HHATL: variants seen among roughly 807,000 people sequenced by gnomAD.
HHATL encodes the protein protein-cysteine N-palmitoyltransferase HHAT-like protein.
A neutral mutation model predicts 59.7 loss-of-function variants in HHATL; 49 were observed. The observed-to-expected ratio is 0.82, with a 90% confidence interval of 0.65 to 1.04. HHATL has a LOEUF of 1.04. Ranked by LOEUF, HHATL falls within the 50% of genes least tolerant of loss-of-function variation. HHATL has a pLI of 0.00. For missense variants in HHATL, 605 were observed against 650.8 expected (o/e 0.93, Z 0.77); for synonymous variants, 238 against 257.3 (o/e 0.93, Z 0.72).
chr3:42,695,235 C>T (rs1005307396), intron 9 of HHATL, among the ~76,000 whole-genome samples: 1 of 152,166 alleles, frequency 6.6e-6, no homozygotes. Context: ...GACCTCCTGG[C>T]CCCCCAGCTT....
Position 42,700,771 on chromosome 3 carries a change from A to T in HHATL, c.56T>A (p.Leu19Gln). 6.2e-7 allele frequency: 1 copy of T among 1,613,882 alleles called. No individual in the cohort carries two copies. Residue 19 changes from leucine (L) to glutamine (Q), a missense_variant, in exon 2 of 12, where the codon CTG becomes CAG. Transcript: ENST00000441594. Reference sequence around the variant, plus strand: ...GCCAGCATAGGCCAGGGCCCCACTCAGCACCAGAGAGTAGAGGCCCAGCTC... The same window carrying T: ...GCCAGCATAGGCCAGGGCCCCACTCTGCACCAGAGAGTAGAGGCCCAGCTC... ...AAELGLYSLV[L>Q]SGALAYAGRG... is the part of the protein sequence containing the mutation.
rs982505419 is a variant in HHATL at position 42,699,609 on chromosome 3, G to A, written c.174+149C>T. Reference sequence around the variant, plus strand: ...AACTTGATGTCCCAGGAGGATACAGGAGGGGCCAGTAAAGAAGCTGAAGGC... The same window carrying A: ...AACTTGATGTCCCAGGAGGATACAGAAGGGGCCAGTAAAGAAGCTGAAGGC... On this transcript the variant is annotated intron_variant, in intron 3 of 11. Transcript: ENST00000441594. 3 of 659,326 alleles carry A rather than the reference G, an allele frequency of 4.6e-6. No individual in the cohort carries two copies. The African/African-American group carries it at 5.5e-5, about 12-fold the overall frequency. The allele number at this position is 659,326 out of a possible 1,614,324, so 40.8% of individuals were successfully genotyped here. A position where few individuals can be genotyped will look rare whatever the true frequency, so the allele number is the denominator to read the frequency against.
In HHATL at chr3:42,701,092, T is replaced by C. The variant is rs1697961447; in HGVS notation, c.-13-253A>G. On this transcript the variant is annotated intron_variant, in intron 1 of 11. Transcript: ENST00000441594. This position sits in a 1 kb window ranked among gnomAD's most constrained non-coding sequence, Gnocchi z 5.1. ...AGGCTCTTGCCCGCAGAGCCCTCACTCGCAGCCTGCCTCCCTCACCTTCAT... is the reference window on the plus strand; with the variant it reads ...AGGCTCTTGCCCGCAGAGCCCTCACCCGCAGCCTGCCTCCCTCACCTTCAT... 1 of 470,868 alleles carries C rather than the reference T, an allele frequency of 2.1e-6. No individual in the cohort carries two copies. The highest frequency in any genetic ancestry group is 3.8e-6 in the Non-Finnish European group (1 of 260,294). The allele number at this position is 470,868 out of a possible 1,614,324, so 29.2% of individuals were successfully genotyped here.
In HHATL at chr3:42,693,664, G is replaced by A; in HGVS notation, c.1201C>T (p.Leu401Phe). 1 of 1,613,818 alleles carries A rather than the reference G, an allele frequency of 6.2e-7. No homozygotes were observed. The highest frequency in any genetic ancestry group is 8.5e-7 in the Non-Finnish European group (1 of 1,179,916). ...FLNCFGLNFE[L>F]WMQKLAEWGP... ...CACTCTGCCAGTTTTTGCATCCAGA[G>A]CTCAAAGTTGAGGCCAAAGCAGTTA... Residue 401 changes from leucine to phenylalanine, a missense_variant, in exon 10 of 12, where the codon CTC becomes TTC. Physicochemically the swap from Leu to Phe is conservative, Grantham distance 22. Transcript: ENST00000441594.
In HHATL at chr3:42,693,659, C is replaced by G. The variant is rs1697458021; in HGVS notation, c.1206G>C (p.Trp402Cys). The G allele has an allele frequency of 6.2e-7, 1 of 1,613,884 alleles. No homozygotes were observed. The highest frequency in any genetic ancestry group is 8.5e-7 in the Non-Finnish European group (1 of 1,179,896). Residue 402 changes from tryptophan (W) to cysteine (C), a missense_variant, in exon 10 of 12, where the codon TGG becomes TGC. By Grantham distance (215) the Trp-to-Cys change is radical (BLOSUM62 -2). Coordinates refer to ENST00000441594, the MANE Select transcript of HHATL (RefSeq NM_020707.4). ...LNCFGLNFEL[W>C]MQKLAEWGPL... ...GCCCCCACTCTGCCAGTTTTTGCAT[C>G]CAGAGCTCAAAGTTGAGGCCAAAGC...
At chr3:42,697,183 G>C (rs140864048) in intron 7 of HHATL, 38 bp from the exon 8 acceptor site, 1 of 1,505,930 alleles carries the variant, frequency 6.6e-7, no homozygotes, top group African/African-American at 1.4e-5. Context: ...GGGTCCAATC[G>C]CCTGGGGCCT....
chr3:42,697,037 G>A lies in HHATL; in HGVS notation c.974C>T (p.Pro325Leu). The A allele has an allele frequency of 6.3e-7, 1 of 1,599,410 alleles. No individual in the cohort carries two copies. The highest frequency in any genetic ancestry group is 8.5e-7 in the Non-Finnish European group (1 of 1,171,418). ...GACGTAGAGTGCGGTGATGCACTTG[G>A]GAGGCTGGGGTGGGTCCAGGTGGTC... is the stretch of plus-strand genomic sequence containing the variant. ...CLDHLDPPQP[P>L]KCITALYVFA... Residue 325 changes from proline (P) to leucine (L), a missense_variant, in exon 8 of 12, where the codon CCC becomes CTC. Pro to Leu is a moderately conservative substitution (Grantham distance 98, BLOSUM62 -3). Transcript: ENST00000441594.
intron 5 of HHATL, 42 bp from the exon 6 acceptor site, chr3:42,698,393 T>C: frequency 6.3e-7 from 1 of 1,575,448 alleles, no homozygotes; most frequent in South Asian, 1.1e-5. Flanking sequence ...CTAGGGTGCC[T>C]CCTGTCTCTG....
chr3:42,698,470 C>T (rs1697757115), intron 5 of HHATL, 119 bp from the exon 6 acceptor site: 2 of 1,043,482 alleles, frequency 1.9e-6, no homozygotes, highest in Admixed American at 5.1e-5. Flanking sequence ...TTCCTCTCTT[C>T]CAGAGCCAGT....
intron 9 of HHATL, chr3:42,694,175 T>C: frequency 3.7e-6 from 1 of 273,552 alleles, no homozygotes; most frequent in Non-Finnish European, 7.1e-6. Flanking sequence ...GATTCCCCTA[T>C]CCCTGCTCAA....
intron 5 of HHATL, 24 bp from the exon 6 acceptor site, chr3:42,698,375 C>T: frequency 1.2e-6 from 2 of 1,600,836 alleles, no homozygotes; most frequent in Non-Finnish European, 1.7e-6. Flanking sequence ...GAACAGGCCA[C>T]CAGCTCACTA....
chr3:42,695,926 T>C (rs1195302531), intron 9 of HHATL, among the ~76,000 whole-genome samples: 5 of 152,130 alleles, frequency 3.3e-5, no homozygotes, highest in Admixed American at 6.5e-5. Context: ...GCATGTCCCA[T>C]TCTCTCCTAT....
At chr3:42,700,636 T>C in intron 2 of HHATL, 85 bp downstream of exon 2, 1 of 845,778 alleles carries the variant, frequency 1.2e-6, no homozygotes, top group South Asian at 1.6e-5. Context: ...CTGGAGCCTG[T>C]AACTTTCTGG....
chr3:42,693,517 C>A lies in HHATL; in HGVS notation c.1248+100G>T, dbSNP rs1697446930. ...CTAAGAGGGTGGTGGTGAGAAAGTT[C>A]TGGATTAGGGGCCAGGTGTTTGGAC... On this transcript the variant is annotated intron_variant, in intron 10 of 11. Transcript: ENST00000441594. 5.7e-6 allele frequency: 6 copies of A among 1,056,186 alleles called. No homozygotes were observed. The East Asian group carries it at 1.6e-4, about 27-fold the overall frequency. The allele number at this position is 1,056,186 out of a possible 1,614,324, so 65.4% of individuals were successfully genotyped here. A position where few individuals can be genotyped will look rare whatever the true frequency, so the allele number is the denominator to read the frequency against.
chr3:42,697,715 G>T, intron 6 of HHATL, 36 bp from the exon 7 acceptor site: 2 of 1,595,554 alleles, frequency 1.3e-6, no homozygotes, highest in African/African-American at 1.3e-5. Flanking sequence ...GAAGAGGCAA[G>T]CCCTGCCTGG....
chr3:42,700,875 C>T (rs373493417), intron 1 of HHATL, 36 bp from the exon 2 acceptor site: 5 of 1,445,422 alleles, frequency 3.5e-6, no homozygotes, highest in Non-Finnish European at 3.9e-6. Context: ...ATTACAGTCT[C>T]CAGCCAAGCC....
At position 42,702,665 on chromosome 3, in the gene HHATL, G is replaced by T; in HGVS notation, c.-100C>A. The T allele has an allele frequency of 6.5e-6, 1 of 152,830 alleles. No homozygotes were observed. The allele number at this position is 152,830 out of a possible 1,614,324, so 9.5% of individuals were successfully genotyped here. A position where few individuals can be genotyped will look rare whatever the true frequency, so the allele number is the denominator to read the frequency against. On this transcript the variant is annotated 5_prime_UTR_variant, in exon 1 of 12. Transcript: ENST00000441594. ...CAACTGTCCGTCCGTGCGACCGGCT[G>T]AGCTCTGGGGCCACGGTGGGGTGTG... is the stretch of plus-strand genomic sequence containing the variant.
In HHATL at chr3:42,692,709, CAAG is replaced by C. The variant is rs763952303; in HGVS notation, c.*39_*41del. 1 of 1,613,954 alleles carries C rather than the reference CAAG, an allele frequency of 6.2e-7. No individual in the cohort carries two copies. The highest frequency in any genetic ancestry group is 8.5e-7 in the Non-Finnish European group (1 of 1,179,876). ...TCTATCGGTCAGGCCCCATCTGGCC[CAAG>C]AATAGCTGAGCAGAGCCCATCCCTC... On this transcript the variant is annotated 3_prime_UTR_variant, in exon 12 of 12. Transcript: ENST00000441594.
Position 42,698,908 on chromosome 3 carries a change from G to A in HHATL, c.289-6C>T, listed in dbSNP as rs1559624427. ...GCATACATCCAGGAGCGGAGCTGTGGGCAGGGAGAAGGCTTCAGTTTCGCC... is the reference window on the plus strand; with the variant it reads ...GCATACATCCAGGAGCGGAGCTGTGAGCAGGGAGAAGGCTTCAGTTTCGCC... On this transcript the variant is annotated splice_region_variant and splice_polypyrimidine_tract_variant and intron_variant, in intron 4 of 11. Coordinates refer to ENST00000441594, the MANE Select transcript of HHATL (RefSeq NM_020707.4). 3.1e-6 allele frequency: 5 copies of A among 1,604,730 alleles called. No homozygotes were observed. Among genetic ancestry groups the A allele is most frequent in the Non-Finnish European group, 4.3e-6 (5 of 1,174,508 alleles).
Sources: gnomAD v4.1 joint callset for allele counts (sites outside exome capture counted in the v4.1 genomes callset) on GRCh38, gnomAD v4.1.1 for gene constraint, Gnocchi (gnomAD v3.1) non-coding constraint, MANE v1.5 for transcripts, NCBI Gene and HGNC (gene_info 2026-07-23, HGNC 2026-07-21) for gene names.